Variants in PCM1 observed in about 807,000 individuals in gnomAD.
PCM1 encodes the protein pericentriolar material 1 protein.
PCM1 carries 157 observed loss-of-function variants against 241.9 expected under a neutral mutation model. The observed-to-expected ratio is 0.65, with a 90% confidence interval of 0.57 to 0.74. The LOEUF (loss-of-function observed/expected upper bound fraction) is 0.74, where lower values mean the gene tolerates loss of function less well. Ranked by LOEUF, PCM1 falls within the 30% of genes least tolerant of loss-of-function variation. PCM1 has a pLI of 0.00. For synonymous variants in PCM1, 1,085 were observed against 784.9 expected (o/e 1.38, Z -6.39); for missense variants, 3,478 against 2,360.1 (o/e 1.47, Z -9.81).
At chr8:17,929,158 A>G (rs541604899) in intron 2 of PCM1, among the ~76,000 whole-genome samples, 113 of 152,186 alleles carry the variant, frequency 7.4e-4, no homozygotes, top group African/African-American at 2.4e-3. Context: ...GTCAACAGTA[A>G]CCTTGTTGCT....
chr8:17,938,025 C>T (rs1471973060), intron 4 of PCM1, among the ~76,000 whole-genome samples: 1 of 152,092 alleles, frequency 6.6e-6, no homozygotes, highest in Non-Finnish European at 1.5e-5. Flanking sequence ...GACAGTTCTT[C>T]ATGTAGACAC....
At chr8:17,984,190 TAC>T (rs1347584965) in intron 24 of PCM1, among the ~76,000 whole-genome samples, 2 of 152,112 alleles carry the variant, frequency 1.3e-5, no homozygotes, top group Non-Finnish European at 2.9e-5. Context: ...TTTTATCACA[TAC>T]AGAGGTATTA....
Position 18,006,289 on chromosome 8 carries a change from G to C in PCM1, c.4854G>C (p.Ser1618=), listed in dbSNP as rs780234758. ...LKEHMDEVCS[S]QLLTSVRRMV... is the part of the protein sequence containing the mutation. ...AGCACATGGATGAAGTATGCTCCTC[G>C]CAGCTTCTAACTTCAGTAAGGCGCA... The change falls in exon 30 of 39, where the codon TCG becomes TCC. Residue 1618 remains serine, a synonymous_variant. Coordinates refer to ENST00000325083, the MANE Select transcript of PCM1 (RefSeq NM_006197.4). The C allele has an allele frequency of 6.2e-7, 1 of 1,610,596 alleles. No homozygotes were observed. The highest frequency in any genetic ancestry group is 8.5e-7 in the Non-Finnish European group (1 of 1,177,506).
intron 2 of PCM1, among the ~76,000 whole-genome samples, chr8:17,930,269 T>G (rs189466911): frequency 0.016 from 2,427 of 151,770 alleles, 37 homozygotes; most frequent in Non-Finnish European, 0.02. Flanking sequence ...CCTGGCTAAT[T>G]TTTTGTATTT....
chr8:18,006,470 G>T, intron 30 of PCM1, 73 bp downstream of exon 30: 1 of 870,582 alleles, frequency 1.1e-6, no homozygotes, highest in Non-Finnish European at 1.9e-6. Context: ...GGTGGGTGAG[G>T]CATTTTCTTG....
intron 11 of PCM1, 131 bp from the exon 12 acceptor site, chr8:17,957,133 C>G: frequency 1.5e-6 from 1 of 666,668 alleles, no homozygotes; most frequent in Non-Finnish European, 2.5e-6. Context: ...GTCGATTATT[C>G]AATTTGAATT....
intron 29 of PCM1, 114 bp from the exon 30 acceptor site, chr8:18,006,149 G>T: frequency 1.3e-6 from 1 of 775,626 alleles, no homozygotes; most frequent in South Asian, 2.5e-5. Flanking sequence ...TCTGAAAATT[G>T]AGGAGCATCT....
At chr8:17,925,192 C>G (rs901084215) in intron 2 of PCM1, 1 of 152,098 alleles carries the variant, frequency 6.6e-6, no homozygotes, top group African/African-American at 2.4e-5. Flanking sequence ...ATACCTTGAC[C>G]GAAATTTAGT....
chr8:18,012,978 G>GTTCT (rs2092709066), intron 34 of PCM1, among the ~76,000 whole-genome samples: 1 of 152,018 alleles, frequency 6.6e-6, no homozygotes, highest in African/African-American at 2.4e-5. Context: ...CTGAACCTTG[G>GTTCT]TTCTTTATAT....
intron 30 of PCM1, 139 bp from the exon 31 acceptor site, chr8:18,009,408 A>T: frequency 3.2e-6 from 2 of 622,440 alleles, no homozygotes; most frequent in Non-Finnish European, 5.6e-6. Context: ...ATATAGCAGT[A>T]TTCTTTAGTA....
At chr8:17,952,838 A>T (rs937767088) in intron 8 of PCM1, 132 bp from the exon 9 acceptor site, 4 of 613,492 alleles carry the variant, frequency 6.5e-6, no homozygotes, top group African/African-American at 3.7e-5. Flanking sequence ...GTAAGGGTAT[A>T]TACTTACCTA....
intron 6 of PCM1, among the ~76,000 whole-genome samples, 154 bp from the exon 7 acceptor site, chr8:17,947,032 G>A (rs761170185): frequency 6.6e-6 from 1 of 151,816 alleles, no homozygotes; most frequent in Non-Finnish European, 1.5e-5. Context: ...TCATCATTCT[G>A]TTCTTACTCT....
intron 2 of PCM1, among the ~76,000 whole-genome samples, chr8:17,930,004 G>A (rs987415171): frequency 6.6e-6 from 1 of 152,046 alleles, no homozygotes; most frequent in African/African-American, 2.4e-5. Context: ...CAGATAAGGT[G>A]GGGACTATAG....
rs560303182 is a variant in PCM1 at position 18,003,667 on chromosome 8, A to C, written c.4828-2596A>C. 7.8e-4 allele frequency among the ~76,000 whole-genome samples: 118 copies of C among 152,236 alleles called. 1 individual carries two copies. The highest frequency in any genetic ancestry group is 2.6e-3 in the African/African-American group (109 of 41,536). On this transcript the variant is annotated intron_variant, in intron 29 of 38. Transcript: ENST00000325083. ...TAGTACCTACAGCCAAGAAGCACTT[A>C]AGATACTGGATAAAAAGAATTTGAG...
At chr8:17,941,944 A>T (rs1173935025) in intron 6 of PCM1, among the ~76,000 whole-genome samples, 7 of 151,864 alleles carry the variant, frequency 4.6e-5, no homozygotes, top group Non-Finnish European at 8.8e-5. Flanking sequence ...TTACATATTA[A>T]TTGTTAATAT....
intron 6 of PCM1, among the ~76,000 whole-genome samples, chr8:17,941,429 T>A (rs892852714): frequency 6.6e-5 from 10 of 152,138 alleles, no homozygotes; most frequent in Non-Finnish European, 1.5e-4. Flanking sequence ...CCGCAGGATG[T>A]GGTACTTGCT....
At chr8:17,937,662 G>A (rs971844018) in intron 4 of PCM1, among the ~76,000 whole-genome samples, 3 of 152,036 alleles carry the variant, frequency 2.0e-5, no homozygotes, top group Non-Finnish European at 1.5e-5. Flanking sequence ...TTGCATTTTG[G>A]TAACTGAATA....
At chr8:17,943,564 T>TGCTGTTTTTA (rs1384698928) in intron 6 of PCM1, among the ~76,000 whole-genome samples, 4 of 152,200 alleles carry the variant, frequency 2.6e-5, no homozygotes, top group Non-Finnish European at 5.9e-5. Context: ...AAAACCACTT[T>TGCTGTTTTTA]GCTGTTTTTA....
intron 31 of PCM1, 120 bp from the exon 32 acceptor site, chr8:18,010,489 A>C (rs1375220696): frequency 3.0e-6 from 2 of 656,272 alleles, no homozygotes; most frequent in Admixed American, 7.3e-5. Context: ...ATGATTAGAA[A>C]GTAATACAGG....
Sources: allele counts gnomAD v4.1 joint callset (sites outside exome capture counted in the v4.1 genomes callset), GRCh38; gene constraint gnomAD v4.1.1; transcripts MANE v1.5; gene names NCBI Gene and HGNC (gene_info 2026-07-23, HGNC 2026-07-21).